CLIC4: variants seen among roughly 807,000 people sequenced by gnomAD.
The protein encoded by CLIC4 is chloride intracellular channel protein 4.
Under a neutral mutation model 24.6 loss-of-function variants are expected in CLIC4, and 13 were observed. The ratio of observed to expected loss-of-function variants is 0.53; its 90% CI spans 0.34 to 0.84. CLIC4 has a LOEUF of 0.84. Among genes scored for constraint, CLIC4 ranks in the 40% least tolerant of loss-of-function variants. The pLI, the probability that CLIC4 is intolerant of heterozygous loss-of-function variation, is 0.01. For missense variants in CLIC4, 227 were observed against 301.7 expected, an observed-to-expected ratio of 0.75 and a Z score of 1.83; for synonymous variants, 104 against 111.3, an observed-to-expected ratio of 0.93 and a Z score of 0.41.
intron 2 of CLIC4, among the ~76,000 whole-genome samples, chr1:24,809,511 C>G (rs1639590224): frequency 6.6e-6 from 1 of 152,172 alleles, no homozygotes. Context: ...CACTCTGTCG[C>G]CCAGGCTGAA....
intron 1 of CLIC4, among the ~76,000 whole-genome samples, chr1:24,794,169 A>G (rs1007717267): frequency 6.6e-6 from 1 of 152,046 alleles, no homozygotes; most frequent in Non-Finnish European, 1.5e-5. Flanking sequence ...ATGTGTCTTT[A>G]TGGTAGAATG....
chr1:24,756,183 T>A (rs1285494359), intron 1 of CLIC4, among the ~76,000 whole-genome samples: 2 of 152,084 alleles, frequency 1.3e-5, no homozygotes, highest in African/African-American at 4.8e-5. Flanking sequence ...CTATTTCTAG[T>A]AGAGACGGGG....
intron 1 of CLIC4, among the ~76,000 whole-genome samples, chr1:24,759,718 G>A (rs1254712226): frequency 2.0e-5 from 3 of 152,166 alleles, no homozygotes; most frequent in Non-Finnish European, 1.5e-5. Context: ...AGAGGCCAAG[G>A]TGGGTGGATC....
rs1292455710 is a variant in CLIC4, at chr1:24,745,496, C to G, written c.-58C>G. ...ACCGGCAGCCGGAGCAGTCCCGGAG[C>G]AGAAGCAGCAGCAGCAGCAGCAGCC... On this transcript the variant is annotated 5_prime_UTR_variant, in exon 1 of 6. Coordinates refer to ENST00000374379, the MANE Select transcript of CLIC4 (RefSeq NM_013943.3). 6.7e-7 allele frequency: 1 copy of G among 1,485,366 alleles called. No homozygotes were observed. The allele number at this position is 1,485,366 out of a possible 1,614,324, so 92.0% of individuals were successfully genotyped here.
chr1:24,813,242 C>T (rs1040059791), intron 2 of CLIC4, among the ~76,000 whole-genome samples: 12 of 151,810 alleles, frequency 7.9e-5, no homozygotes, highest in Admixed American at 3.3e-4. Flanking sequence ...TGGGGTTTCA[C>T]CATGTTGGTC....
chr1:24,828,709 A>G (rs1639811898), intron 4 of CLIC4, among the ~76,000 whole-genome samples: 1 of 151,706 alleles, frequency 6.6e-6, no homozygotes. Flanking sequence ...GTGGGGCGGG[A>G]ATAAAAAGGT....
In CLIC4 at chr1:24,840,826, C is replaced by A. The variant is rs760303958; in HGVS notation, c.651C>A (p.Ile217=). The A allele has an allele frequency of 6.2e-6, 10 of 1,610,930 alleles. No individual in the cohort carries two copies. Among genetic ancestry groups the A allele is most frequent in the Admixed American group, 1.7e-5 (1 of 59,616 alleles). Residue 217 remains isoleucine, a synonymous_variant, in exon 6 of 6, where the codon ATC becomes ATA. Coordinates refer to ENST00000374379, the MANE Select transcript of CLIC4 (RefSeq NM_013943.3). ...NFDIPKEMTG[I]WRYLTNAYSR... is the part of the protein sequence containing the mutation. The stretch of plus-strand genomic sequence containing the variant: ...ATATTCCAAAAGAAATGACTGGCAT[C>A]TGGAGATACCTAACTAATGCATACA...
intron 1 of CLIC4, among the ~76,000 whole-genome samples, chr1:24,796,494 C>A (rs1217470861): frequency 6.6e-6 from 1 of 151,784 alleles, no homozygotes; most frequent in East Asian, 1.9e-4. Flanking sequence ...GCTTATAATT[C>A]GTATTTTTAT....
At chr1:24,764,627 C>T (rs1303791881) in intron 1 of CLIC4, among the ~76,000 whole-genome samples, 1 of 151,710 alleles carries the variant, frequency 6.6e-6, no homozygotes, top group Non-Finnish European at 1.5e-5. Flanking sequence ...GTACTCCACC[C>T]TGGGCGACAG....
chr1:24,750,785 A>T (rs887569287), intron 1 of CLIC4, among the ~76,000 whole-genome samples: 3 of 152,176 alleles, frequency 2.0e-5, no homozygotes, highest in African/African-American at 7.2e-5. Flanking sequence ...GTCCTATGGG[A>T]TAAATTAATA....
chr1:24,840,264 A>G (rs1242770601), intron 5 of CLIC4, among the ~76,000 whole-genome samples: 1 of 152,226 alleles, frequency 6.6e-6, no homozygotes, highest in African/African-American at 2.4e-5. Flanking sequence ...CTGTGACTGC[A>G]TACAAATTCA....
intron 1 of CLIC4, among the ~76,000 whole-genome samples, chr1:24,790,635 G>A (rs1005974815): frequency 2.0e-5 from 3 of 152,054 alleles, no homozygotes; most frequent in African/African-American, 7.2e-5. Context: ...GTACACTAGT[G>A]GAGGTGGCCT....
rs754071563 is a variant in CLIC4 at position 24,838,977 on chromosome 1, T to C, written c.416-883T>C. On this transcript the variant is annotated intron_variant, in intron 4 of 5. Transcript: ENST00000374379. ...GGTTAAAGAGGCTCCCAGTTCAGTA[T>C]TGTAAATTGAACTCCTTAATCTGAC... Among the ~76,000 whole-genome samples, 105 of 152,210 alleles carry C rather than the reference T, an allele frequency of 6.9e-4. 1 individual carries two copies. Among genetic ancestry groups the C allele is most frequent in the Non-Finnish European group, 2.8e-4 (19 of 68,030 alleles).
intron 1 of CLIC4, among the ~76,000 whole-genome samples, chr1:24,750,431 T>G (rs1006093655): frequency 1.3e-5 from 2 of 151,372 alleles, no homozygotes; most frequent in Non-Finnish European, 2.9e-5. Flanking sequence ...TTTCTTTCTT[T>G]CTTTCTTTTT....
chr1:24,788,439 G>C (rs1412673557), intron 1 of CLIC4, among the ~76,000 whole-genome samples: 1 of 152,098 alleles, frequency 6.6e-6, no homozygotes, highest in African/African-American at 2.4e-5. Flanking sequence ...CATATAAATG[G>C]TATCATATTC....
intron 4 of CLIC4, among the ~76,000 whole-genome samples, chr1:24,829,524 T>A (rs1172148422): frequency 2.0e-5 from 3 of 152,184 alleles, no homozygotes; most frequent in African/African-American, 7.2e-5. Flanking sequence ...GTATGACCTG[T>A]CCCCAGATCT....
intron 3 of CLIC4, among the ~76,000 whole-genome samples, chr1:24,816,503 A>G (rs1557811310): frequency 6.6e-6 from 1 of 152,050 alleles, no homozygotes; most frequent in Non-Finnish European, 1.5e-5. Context: ...TCGGCCTCCC[A>G]AAGTGCTGGG....
chr1:24,781,668 ATTT>A (rs770081766), intron 1 of CLIC4, among the ~76,000 whole-genome samples: 1 of 138,562 alleles, frequency 7.2e-6, no homozygotes, highest in Non-Finnish European at 1.6e-5. Context: ...TGTGAGACCT[ATTT>A]TTTTTTTTTT....
At chr1:24,800,534 TCTGC>T (rs1639475639) in intron 2 of CLIC4, among the ~76,000 whole-genome samples, 1 of 151,908 alleles carries the variant, frequency 6.6e-6, no homozygotes, top group South Asian at 2.1e-4. Flanking sequence ...GAGGAGCCCC[TCTGC>T]CTGGCCACCA....
Sources: gnomAD v4.1 joint callset for allele counts (sites outside exome capture counted in the v4.1 genomes callset) on GRCh38, gnomAD v4.1.1 for gene constraint, MANE v1.5 for transcripts, NCBI Gene and HGNC (gene_info 2026-07-23, HGNC 2026-07-21) for gene names.